The following ENTPD1 variants were observed in gnomAD, a reference collection of about 807,000 sequenced individuals.
The protein encoded by ENTPD1 is ATP diphosphohydrolase.
ENTPD1 carries 33 observed loss-of-function variants against 57.0 expected under a neutral mutation model. That is an observed-to-expected ratio of 0.58 (90% confidence interval 0.44 to 0.77). The LOEUF is 0.77. ENTPD1 is among the 30% of genes least tolerant of loss of function. The pLI, the probability that ENTPD1 is intolerant of heterozygous loss-of-function variation, is 0.00. For synonymous variants in ENTPD1, 202 were observed against 218.8 expected, an observed-to-expected ratio of 0.92 and a Z score of 0.68; for missense variants, 501 against 603.4, an observed-to-expected ratio of 0.83 and a Z score of 1.78.
At chr10:95,711,993 G>A (rs866738226) in exon 1 of ENTPD1, 1 of 1,613,782 alleles carries the variant, frequency 6.2e-7, no homozygotes, top group Non-Finnish European at 8.5e-7. Context: ...CCAGCAGAAG[G>A]GTAAGAAATT....
At chr10:95,777,818 G>A (rs764832995) in intron 1 of ENTPD1, among the ~76,000 whole-genome samples, 28 of 152,238 alleles carry the variant, frequency 1.8e-4, no homozygotes, top group Non-Finnish European at 2.5e-4. Context: ...TGCCCAGTTC[G>A]ATCTTCCAGG....
chr10:95,811,665 T>TG (rs1266825395), intron 1 of ENTPD1, among the ~76,000 whole-genome samples: 1 of 152,230 alleles, frequency 6.6e-6, no homozygotes, highest in Non-Finnish European at 1.5e-5. Context: ...ACTGGGGTTA[T>TG]GACCCACCAC....
chr10:95,811,962 G>A (rs1483324594), intron 1 of ENTPD1, among the ~76,000 whole-genome samples: 1 of 152,090 alleles, frequency 6.6e-6, no homozygotes, highest in Non-Finnish European at 1.5e-5. Flanking sequence ...TTCAGTCAAA[G>A]GATATATGTG....
chr10:95,715,951 A>G (rs922273495), intron 1 of ENTPD1, among the ~76,000 whole-genome samples: 6 of 151,950 alleles, frequency 3.9e-5, no homozygotes, highest in African/African-American at 1.2e-4. Flanking sequence ...TGCAGCCTTG[A>G]CCTCCCAGGC....
rs535876752 is a variant in ENTPD1, at chr10:95,829,629, A to G, written c.144+6265A>G. ...TCTTCGTACAAATAATTTCAATATAATAGAGATATATTCATGCAGAGACAG... is the reference window on the plus strand; with the variant it reads ...TCTTCGTACAAATAATTTCAATATAGTAGAGATATATTCATGCAGAGACAG... On this transcript the variant is annotated intron_variant, in intron 2 of 9. Transcript: ENST00000371205. 9.8e-5 allele frequency among the ~76,000 whole-genome samples: 15 copies of G among 152,306 alleles called. 1 individual carries two copies. The South Asian group carries it at 2.7e-3, about 27-fold the overall frequency.
chr10:95,845,587 G>A lies in ENTPD1; in HGVS notation c.804G>A (p.Lys268=), dbSNP rs762621375. 3 of 1,614,218 alleles carry A rather than the reference G, an allele frequency of 1.9e-6. No individual in the cohort carries two copies. The highest frequency in any genetic ancestry group is 2.5e-6 in the Non-Finnish European group (3 of 1,180,032). ...AGGCACTCTGGCAGAAACTGGCCAA[G>A]GACATTCAGGCAAGTATAACTCAAT... ...KDQALWQKLA[K]DIQVASNEIL... Residue 268 remains lysine (K), a synonymous_variant, in exon 6 of 10, where the codon AAG becomes AAA. Coordinates refer to ENST00000371205, the MANE Select transcript of ENTPD1 (RefSeq NM_001776.6).
At chr10:95,838,745 A>T (rs1481635876) in intron 2 of ENTPD1, among the ~76,000 whole-genome samples, 5 of 152,188 alleles carry the variant, frequency 3.3e-5, no homozygotes, top group African/African-American at 1.2e-4. Flanking sequence ...ATTGAGGTGT[A>T]TGCCTAGTAT....
chr10:95,839,407 C>T, intron 2 of ENTPD1: 1 of 429,820 alleles, frequency 2.3e-6, no homozygotes, highest in African/African-American at 2.0e-5. Context: ...CTTGGCTGCA[C>T]ATTAGAATCA....
chr10:95,757,850 C>T (rs1035783989), intron 1 of ENTPD1, among the ~76,000 whole-genome samples: 1 of 151,434 alleles, frequency 6.6e-6, no homozygotes, highest in Non-Finnish European at 1.5e-5. Flanking sequence ...ACTAAAAATA[C>T]AAAAATTAGC....
intron 8 of ENTPD1, among the ~76,000 whole-genome samples, 176 bp from the exon 9 acceptor site, chr10:95,864,548 C>A (rs1352489200): frequency 1.3e-5 from 2 of 152,162 alleles, no homozygotes; most frequent in Non-Finnish European, 2.9e-5. Flanking sequence ...AACTATAAAA[C>A]CCTGCTCCCA....
At chr10:95,711,907 T>C (rs2097965885) in exon 1 of ENTPD1, 1 of 1,612,176 alleles carries the variant, frequency 6.2e-7, no homozygotes, top group African/African-American at 1.3e-5. Context: ...CCTCCAGTTT[T>C]GGTGCTGTGA....
chr10:95,737,266 T>A (rs1366590366), intron 1 of ENTPD1, among the ~76,000 whole-genome samples: 1 of 152,156 alleles, frequency 6.6e-6, no homozygotes, highest in East Asian at 1.9e-4. Flanking sequence ...TATGTAAATC[T>A]TTGCAAATTG....
intron 1 of ENTPD1, among the ~76,000 whole-genome samples, chr10:95,766,779 G>C (rs1413795882): frequency 1.3e-5 from 2 of 149,660 alleles, no homozygotes; most frequent in Non-Finnish European, 3.0e-5. Context: ...GTTTTTTTCT[G>C]TTATGCTTTT....
At chr10:95,703,258 A>C in the ENTPD1 span, among the ~76,000 whole-genome samples, 1 of 152,248 alleles carries the variant, frequency 6.6e-6, no homozygotes, top group African/African-American at 2.4e-5. Flanking sequence ...ACCCACACAA[A>C]GAATTGCTAA....
At position 95,824,130 on chromosome 10, in the gene ENTPD1, G is replaced by A. The variant is rs1174097062; in HGVS notation, c.144+766G>A. Reference sequence around the variant, plus strand: ...TTAATCTGTTAATTAAAAAGCATGTGGTAAATAAAAATTTATACTATAAAT... The same window carrying A: ...TTAATCTGTTAATTAAAAAGCATGTAGTAAATAAAAATTTATACTATAAAT... On this transcript the variant is annotated intron_variant, in intron 2 of 9. Transcript: ENST00000371205. Among the ~76,000 whole-genome samples, 3 of 152,072 alleles carry A rather than the reference G, an allele frequency of 2.0e-5. No individual in the cohort carries two copies. The East Asian group carries it at 5.8e-4, about 29-fold the overall frequency.
At chr10:95,711,653 C>T, upstream of ENTPD1, 1 of 382,002 alleles carries the variant, frequency 2.6e-6, no homozygotes, top group Non-Finnish European at 4.9e-6. Flanking sequence ...TTGCTTTGTT[C>T]CTAAGGCTGA....
chr10:95,791,013 A>C lies in ENTPD1; in HGVS notation c.17-32224A>C, dbSNP rs1273967379. Among the ~76,000 whole-genome samples, 2 of 152,236 alleles carry C rather than the reference A, an allele frequency of 1.3e-5. No homozygotes were observed. Among genetic ancestry groups the C allele is most frequent in the African/African-American group, 4.8e-5 (2 of 41,456 alleles). ...TTTTAGTGAGACTGCAATGTATTAC[A>C]TAAAAGGATCAAGTATCATCAGGCT... On this transcript the variant is annotated intron_variant, in intron 1 of 9. Coordinates refer to ENST00000371205, the MANE Select transcript of ENTPD1 (RefSeq NM_001776.6). This position sits in a 1 kb window ranked among gnomAD's most constrained non-coding sequence, Gnocchi z 4.1.
Position 95,866,264 on chromosome 10 carries a change from C to G in ENTPD1, c.1414C>G (p.Leu472Val), listed in dbSNP as rs779114230. The change falls in exon 10 of 10, where the codon CTC becomes GTC. Residue 472 changes from leucine to valine, a missense_variant. Leu to Val is a conservative substitution (Grantham distance 32). Transcript: ENST00000371205. ...IPAEQPLSTPLSHSTYVFLMV... is the reference protein window; with the variant it reads ...IPAEQPLSTPVSHSTYVFLMV... Reference sequence around the variant, plus strand: ...AGCTGAGCAACCATTGTCCACACCTCTCTCCCACTCCACCTATGTCTTCCT... The same window carrying G: ...AGCTGAGCAACCATTGTCCACACCTGTCTCCCACTCCACCTATGTCTTCCT... 6.2e-7 allele frequency: 1 copy of G among 1,614,210 alleles called. No individual in the cohort carries two copies.
chr10:95,839,018 GT>G (rs1340763672), intron 2 of ENTPD1, among the ~76,000 whole-genome samples: 3 of 152,016 alleles, frequency 2.0e-5, no homozygotes, highest in African/African-American at 7.3e-5. Context: ...CAATTTTACA[GT>G]TATATTCATA....
Sources: gnomAD v4.1 joint callset for allele counts (sites outside exome capture counted in the v4.1 genomes callset) on GRCh38, gnomAD v4.1.1 for gene constraint, Gnocchi (gnomAD v3.1) non-coding constraint, MANE v1.5 for transcripts, NCBI Gene and HGNC (gene_info 2026-07-23, HGNC 2026-07-21) for gene names.